Variants in DGKB observed in about 807,000 individuals in gnomAD.
The protein encoded by DGKB is diacylglycerol kinase beta.
DGKB carries 67 observed loss-of-function variants against 114.3 expected under a neutral mutation model. The ratio of observed to expected loss-of-function variants is 0.59; its 90% confidence interval spans 0.48 to 0.72. The LOEUF is 0.72. Ranked by LOEUF, DGKB falls within the 30% of genes least tolerant of loss-of-function variation. The pLI is 0.00. For missense variants in DGKB, 907 were observed against 975.2 expected, an observed-to-expected ratio of 0.93 and a Z score of 0.93; for synonymous variants, 398 against 323.1, an observed-to-expected ratio of 1.23 and a Z score of -2.49.
chr7:14,346,004 A>C lies in DGKB; in HGVS notation c.1836-613T>G, dbSNP rs1812413043. Among the ~76,000 whole-genome samples the C allele has an allele frequency of 2.0e-5, 3 of 151,324 alleles. No individual in the cohort carries two copies. In the South Asian group the frequency reaches 6.2e-4, roughly 31 times the overall value. On this transcript the variant is annotated intron_variant, in intron 21 of 25. Transcript: ENST00000402815. Reference sequence around the variant, plus strand: ...TTTATATTATCTAGTATTGGATTTGAAATTTTATTCTTGTGAAAAAAATGC... The same window carrying C: ...TTTATATTATCTAGTATTGGATTTGCAATTTTATTCTTGTGAAAAAAATGC...
intron 21 of DGKB, among the ~76,000 whole-genome samples, chr7:14,408,193 C>G (rs1824262590): frequency 6.6e-6 from 1 of 152,076 alleles, no homozygotes; most frequent in Non-Finnish European, 1.5e-5. Context: ...AAGTTTTGGT[C>G]TCTGAGGATA....
intron 2 of DGKB, among the ~76,000 whole-genome samples, chr7:14,760,363 GATTAA>G (rs1425165346): frequency 2.0e-5 from 3 of 152,028 alleles, no homozygotes; most frequent in Admixed American, 6.6e-5. Flanking sequence ...TAAATATTGA[GATTAA>G]ATTAATCAGA....
chr7:14,550,593 T>TA (rs1305989324), intron 20 of DGKB, among the ~76,000 whole-genome samples: 2 of 152,132 alleles, frequency 1.3e-5, no homozygotes, highest in Non-Finnish European at 2.9e-5. Flanking sequence ...CACAAAACAA[T>TA]AAAAAATACA....
At chr7:14,549,612 G>A (rs1794819751) in intron 20 of DGKB, among the ~76,000 whole-genome samples, 1 of 152,046 alleles carries the variant, frequency 6.6e-6, no homozygotes, top group Non-Finnish European at 1.5e-5. Context: ...AGAGAATGCA[G>A]GGAACAATAA....
At chr7:14,720,340 T>C (rs1356306795) in intron 5 of DGKB, among the ~76,000 whole-genome samples, 1 of 152,282 alleles carries the variant, frequency 6.6e-6, no homozygotes, top group Non-Finnish European at 1.5e-5. Context: ...TCTCGCTCTG[T>C]AACCCAGGGG....
chr7:14,202,727 C>T (rs1188587008), intron 23 of DGKB, among the ~76,000 whole-genome samples: 3 of 151,668 alleles, frequency 2.0e-5, no homozygotes, highest in East Asian at 1.9e-4. Context: ...TTTAAAATTC[C>T]GTCTTTGAAA....
chr7:14,332,278 C>T (rs1361426211), intron 23 of DGKB, among the ~76,000 whole-genome samples: 1 of 152,158 alleles, frequency 6.6e-6, no homozygotes, highest in Non-Finnish European at 1.5e-5. Context: ...GATTAAAGTA[C>T]AAGGACATGA....
intron 21 of DGKB, among the ~76,000 whole-genome samples, chr7:14,347,165 C>T (rs760170589): frequency 8.6e-5 from 13 of 151,804 alleles, no homozygotes; most frequent in Non-Finnish European, 1.6e-4. Context: ...GTGAGGCCCA[C>T]TGGGATCTTG....
chr7:14,735,352 G>T (rs1187300732), intron 5 of DGKB, among the ~76,000 whole-genome samples: 1 of 152,158 alleles, frequency 6.6e-6, no homozygotes, highest in African/African-American at 2.4e-5. Flanking sequence ...GGTGATTACT[G>T]CCATCTAAGG....
chr7:14,379,335 G>C (rs1189896168), intron 21 of DGKB, among the ~76,000 whole-genome samples: 1 of 151,256 alleles, frequency 6.6e-6, no homozygotes, highest in Non-Finnish European at 1.5e-5. Flanking sequence ...TCCAGTTCAC[G>C]CACCACTGCT....
intron 2 of DGKB, among the ~76,000 whole-genome samples, chr7:14,775,667 C>T (rs1046815014): frequency 3.9e-5 from 6 of 151,966 alleles, no homozygotes; most frequent in Non-Finnish European, 8.8e-5. Flanking sequence ...TTTCTTGCTG[C>T]CACCATGTGA....
chr7:14,889,156 T>C (rs1397851174), intron 1 of DGKB, among the ~76,000 whole-genome samples: 2 of 151,654 alleles, frequency 1.3e-5, no homozygotes, highest in African/African-American at 4.8e-5. Context: ...TTTACTATCA[T>C]ATCAGCAAAT....
rs1815478165 is a variant in DGKB, at chr7:14,655,044, C to T, written c.1134+17885G>A. ...AATGGACAAACAAGACTATATGAAACTTTTAAAGAGCTTTTGCTCAGCGAA... is the reference window on the plus strand; with the variant it reads ...AATGGACAAACAAGACTATATGAAATTTTTAAAGAGCTTTTGCTCAGCGAA... On this transcript the variant is annotated intron_variant, in intron 13 of 25. Transcript: ENST00000402815. 2.0e-5 allele frequency among the ~76,000 whole-genome samples: 3 copies of T among 151,776 alleles called. No individual in the cohort carries two copies. The South Asian group carries it at 6.2e-4, about 31-fold the overall frequency.
At chr7:14,173,363 G>A (rs1357972316) in intron 25 of DGKB, among the ~76,000 whole-genome samples, 2 of 151,988 alleles carry the variant, frequency 1.3e-5, no homozygotes, top group African/African-American at 4.8e-5. Context: ...AATTCACCAC[G>A]TTAACTTACA....
intron 13 of DGKB, among the ~76,000 whole-genome samples, chr7:14,661,039 A>G (rs1368666614): frequency 2.0e-5 from 3 of 150,748 alleles, no homozygotes; most frequent in Middle Eastern, 3.4e-3. Context: ...CTTACACCTT[A>G]TACAAAAATC....
At chr7:14,831,006 A>AT in intron 2 of DGKB, among the ~76,000 whole-genome samples, 1 of 151,990 alleles carries the variant, frequency 6.6e-6, no homozygotes, top group Middle Eastern at 3.4e-3. Context: ...AATTAAGACT[A>AT]TTTTTCATGG....
At chr7:14,845,148 GA>G (rs1848478120) in intron 1 of DGKB, among the ~76,000 whole-genome samples, 2 of 122,530 alleles carry the variant, frequency 1.6e-5, no homozygotes, top group Non-Finnish European at 3.6e-5. Flanking sequence ...AAGAAAGAAA[GA>G]AAAAAAGGAA....
chr7:14,450,801 T>A (rs886502939), intron 21 of DGKB, among the ~76,000 whole-genome samples: 1 of 151,916 alleles, frequency 6.6e-6, no homozygotes, highest in Non-Finnish European at 1.5e-5. Context: ...ACATAGACCT[T>A]ATTAGGTTGG....
chr7:14,470,124 A>G (rs1044995939), intron 21 of DGKB, among the ~76,000 whole-genome samples: 1 of 151,886 alleles, frequency 6.6e-6, no homozygotes, highest in African/African-American at 2.4e-5. Context: ...AAACACATCA[A>G]TTCATTCTAG....
Sources: gnomAD v4.1 joint callset for allele counts (sites outside exome capture counted in the v4.1 genomes callset) on GRCh38, gnomAD v4.1.1 for gene constraint, MANE v1.5 for transcripts, NCBI Gene and HGNC (gene_info 2026-07-23, HGNC 2026-07-21) for gene names.